WDPCP: variants seen among roughly 807,000 people sequenced by gnomAD.
The protein encoded by WDPCP is WD repeat-containing and planar cell polarity effector protein fritz homolog.
In WDPCP, 71 loss-of-function variants were observed where a neutral mutation model predicts 93.1. The ratio of observed to expected loss-of-function variants is 0.76; its 90% CI spans 0.63 to 0.93. WDPCP has a LOEUF of 0.93. Ranked by LOEUF, WDPCP falls within the 40% of genes least tolerant of loss-of-function variation. WDPCP has a pLI of 0.00. For synonymous variants in WDPCP, 315 were observed against 315.0 expected (o/e 1.00, Z 0.00); for missense variants, 844 against 887.4 (o/e 0.95, Z 0.62).
At chr2:63,638,320 C>G (rs1397641672) in intron 3 of WDPCP, among the ~76,000 whole-genome samples, 1 of 150,070 alleles carries the variant, frequency 6.7e-6, no homozygotes, top group Non-Finnish European at 1.5e-5. Flanking sequence ...TTCTCTCTCT[C>G]TCTCTCACAT....
intron 14 of WDPCP, among the ~76,000 whole-genome samples, chr2:63,190,209 C>T (rs935243325): frequency 6.6e-6 from 1 of 152,028 alleles, no homozygotes; most frequent in Non-Finnish European, 1.5e-5. Flanking sequence ...GGGCGGATTG[C>T]TTGAGCCAAG....
the WDPCP span, among the ~76,000 whole-genome samples, chr2:63,837,092 G>A: frequency 1.3e-5 from 2 of 152,200 alleles, no homozygotes; most frequent in East Asian, 3.8e-4. Context: ...GGAAGGATAT[G>A]TCATAATTTA....
chr2:63,594,400 A>T, intron 3 of WDPCP: 2 of 982,416 alleles, frequency 2.0e-6, no homozygotes, highest in Non-Finnish European at 3.3e-6. Flanking sequence ...CTTTTAAAGT[A>T]TGTGGATTTC....
At chr2:63,615,635 G>A (rs1709663963) in intron 3 of WDPCP, among the ~76,000 whole-genome samples, 1 of 152,192 alleles carries the variant, frequency 6.6e-6, no homozygotes, top group Non-Finnish European at 1.5e-5. Flanking sequence ...CTCTGCAGCA[G>A]AGAGCTGTTT....
chr2:63,426,596 C>T (rs924125341), intron 9 of WDPCP, among the ~76,000 whole-genome samples: 1 of 152,110 alleles, frequency 6.6e-6, no homozygotes, highest in Non-Finnish European at 1.5e-5. Flanking sequence ...CACAAAAACA[C>T]AAGTAAGCAC....
chr2:63,789,193 T>A (rs1168544291), intron 2 of WDPCP, among the ~76,000 whole-genome samples: 1 of 152,146 alleles, frequency 6.6e-6, no homozygotes, highest in African/African-American at 2.4e-5. Context: ...AAACATTATA[T>A]CATTTTTCTG....
intron 3 of WDPCP, among the ~76,000 whole-genome samples, chr2:63,633,662 C>T (rs1294327731): frequency 1.3e-5 from 2 of 151,676 alleles, no homozygotes; most frequent in African/African-American, 4.8e-5. Flanking sequence ...CAAAGGAAGA[C>T]AGGAAAGAAG....
intron 12 of WDPCP, among the ~76,000 whole-genome samples, chr2:63,354,906 A>G (rs1689899925): frequency 1.3e-5 from 2 of 152,226 alleles, no homozygotes; most frequent in Non-Finnish European, 2.9e-5. Flanking sequence ...AAAAGAATAA[A>G]ATGGAATGAA....
chr2:63,368,291 A>AT lies in WDPCP; in HGVS notation c.1748+10094dup, dbSNP rs1464606443. On this transcript the variant is annotated intron_variant, in intron 12 of 17. Transcript: ENST00000272321. ...TAGTTTTTTGAGTTCTACTAAGTTT[A>AT]TTTTTAATTTATTTATTTATTTATT... is the stretch of plus-strand genomic sequence containing the variant. Among the ~76,000 whole-genome samples, 1,245 of 141,138 alleles carry AT rather than the reference A, an allele frequency of 8.8e-3. 10 individuals carry two copies. Among genetic ancestry groups the AT allele is most frequent in the Non-Finnish European group, 0.012 (783 of 66,394 alleles). The allele number at this position is 141,138 out of a possible 152,430, so 92.6% of individuals were successfully genotyped here.
chr2:63,700,302 AAC>A (rs1491085181), intron 2 of WDPCP, among the ~76,000 whole-genome samples: 1,271 of 100,894 alleles, frequency 0.013, 31 homozygotes, highest in African/African-American at 0.036. Context: ...AAAAAAAAAA[AAC>A]AAAAAGAAAA....
At chr2:63,727,849 T>C (rs1178633575) in intron 2 of WDPCP, among the ~76,000 whole-genome samples, 2 of 152,204 alleles carry the variant, frequency 1.3e-5, no homozygotes, top group Non-Finnish European at 2.9e-5. Flanking sequence ...GAGGTGCTCA[T>C]AATAGTGGCA....
chr2:63,809,357 C>G (rs988720105), intron 2 of WDPCP, among the ~76,000 whole-genome samples: 2 of 151,996 alleles, frequency 1.3e-5, no homozygotes, highest in East Asian at 1.9e-4. Flanking sequence ...CCCAGCCGCC[C>G]CTACTGGGAA....
intron 1 of WDPCP, among the ~76,000 whole-genome samples, chr2:63,540,940 G>A (rs1279989871): frequency 1.3e-5 from 2 of 151,188 alleles, no homozygotes; most frequent in Non-Finnish European, 3.0e-5. Context: ...TTGTTTTGTA[G>A]AGATGGGGTT....
At chr2:63,608,171 A>G (rs1709574098) in intron 3 of WDPCP, among the ~76,000 whole-genome samples, 1 of 152,178 alleles carries the variant, frequency 6.6e-6, no homozygotes, top group Non-Finnish European at 1.5e-5. Context: ...ATTGGATGAA[A>G]TTAGAATATT....
chr2:63,315,996 C>A (rs1395487814), intron 12 of WDPCP, among the ~76,000 whole-genome samples: 1 of 151,760 alleles, frequency 6.6e-6, no homozygotes, highest in South Asian at 2.1e-4. Flanking sequence ...TCCATGAGCT[C>A]GAGTGATCTT....
chr2:63,383,290 T>G (rs1028497579), intron 10 of WDPCP, among the ~76,000 whole-genome samples: 2 of 152,072 alleles, frequency 1.3e-5, no homozygotes, highest in Non-Finnish European at 2.9e-5. Flanking sequence ...AATCTAGAAT[T>G]CTATACCTTT....
chr2:63,260,371 A>C (rs747353970), intron 13 of WDPCP, among the ~76,000 whole-genome samples: 3 of 152,244 alleles, frequency 2.0e-5, no homozygotes, highest in Non-Finnish European at 2.9e-5. Flanking sequence ...TTTACAGTGA[A>C]GAAATAAATA....
At position 63,301,308 on chromosome 2, in the gene WDPCP, C is replaced by T. The variant is rs554076775; in HGVS notation, c.1812+11940G>A. Reference sequence around the variant, plus strand: ...TCCCATCAGCAGGAAAATGGCCATTCAGTCTCTACGTTCTTTTAAGGTACC... The same window carrying T: ...TCCCATCAGCAGGAAAATGGCCATTTAGTCTCTACGTTCTTTTAAGGTACC... On this transcript the variant is annotated intron_variant, in intron 13 of 17. Coordinates refer to ENST00000272321, the MANE Select transcript of WDPCP (RefSeq NM_015910.7). Among the ~76,000 whole-genome samples, 12 of 152,334 alleles carry T rather than the reference C, an allele frequency of 7.9e-5. 1 individual carries two copies. Among genetic ancestry groups the T allele is most frequent in the East Asian group, 1.9e-4 (1 of 5,182 alleles).
chr2:63,639,708 T>A (rs1359208945), intron 3 of WDPCP, among the ~76,000 whole-genome samples: 1 of 152,152 alleles, frequency 6.6e-6, no homozygotes, highest in Non-Finnish European at 1.5e-5. Context: ...ATAAAGGTAT[T>A]TAACATCATT....
Sources: gnomAD v4.1 joint callset for allele counts (sites outside exome capture counted in the v4.1 genomes callset) on GRCh38, gnomAD v4.1.1 for gene constraint, MANE v1.5 for transcripts, NCBI Gene and HGNC (gene_info 2026-07-23, HGNC 2026-07-21) for gene names.